TET3: variants seen among roughly 807,000 people sequenced by gnomAD.
TET3 encodes tet methylcytosine dioxygenase 3, also known as methylcytosine dioxygenase TET3.
TET3 carries 19 observed loss-of-function variants against 141.4 expected under a neutral mutation model. That is an observed-to-expected ratio of 0.13 (90% CI 0.09 to 0.20). TET3 has a LOEUF of 0.20. TET3 is among the 10% of genes least tolerant of loss of function. The probability of loss-of-function intolerance (pLI) is 1.00; values close to 1 mark genes in which losing one functional copy is unlikely to be tolerated. For synonymous variants in TET3, 1,043 were observed against 980.9 expected (o/e 1.06, Z -1.18); for missense variants, 1,874 against 2,356.9 (o/e 0.80, Z 4.24).
chr2:74,007,023 A>T (rs72905243), intron 3 of TET3, among the ~76,000 whole-genome samples: 34 of 152,260 alleles, frequency 2.2e-4, no homozygotes, highest in African/African-American at 8.2e-4. Flanking sequence ...TCCACCAAGT[A>T]TTTATCATGT....
At chr2:74,011,882 G>GA (rs1339933346) in intron 3 of TET3, among the ~76,000 whole-genome samples, 100 of 138,504 alleles carry the variant, frequency 7.2e-4, no homozygotes, top group Middle Eastern at 3.6e-3. Context: ...CTACCAAAAG[G>GA]AAAAAAAAAA....
intron 3 of TET3, among the ~76,000 whole-genome samples, chr2:74,024,035 G>A (rs1261767824): frequency 1.3e-5 from 2 of 151,798 alleles, no homozygotes; most frequent in Admixed American, 6.6e-5. Flanking sequence ...TTCTCATTTA[G>A]TAAAACTATT....
At chr2:74,085,368 C>A (rs1361389225) in intron 6 of TET3, among the ~76,000 whole-genome samples, 1 of 152,208 alleles carries the variant, frequency 6.6e-6, no homozygotes, top group Non-Finnish European at 1.5e-5. Flanking sequence ...ACTAGTCTTG[C>A]ATCCGGCCCA....
intron 5 of TET3, among the ~76,000 whole-genome samples, chr2:74,080,078 T>A (rs907021645): frequency 6.6e-5 from 10 of 152,220 alleles, no homozygotes; most frequent in Non-Finnish European, 1.5e-5. Context: ...TCAAAGAGAA[T>A]AATAAGGGTT....
At chr2:74,080,808 G>C (rs886703335) in intron 6 of TET3, among the ~76,000 whole-genome samples, 1 of 152,176 alleles carries the variant, frequency 6.6e-6, no homozygotes, top group African/African-American at 2.4e-5. Context: ...AGCCTCAGCT[G>C]TTTGTCCTCA....
intron 2 of TET3, among the ~76,000 whole-genome samples, chr2:73,989,648 A>G (rs1405532431): frequency 6.6e-6 from 1 of 151,906 alleles, no homozygotes; most frequent in Non-Finnish European, 1.5e-5. Flanking sequence ...GGCGGTGACT[A>G]CTTCTCTGGG....
intron 2 of TET3, among the ~76,000 whole-genome samples, chr2:73,995,261 GTTTGCA>G: frequency 1.3e-5 from 2 of 152,332 alleles, no homozygotes; most frequent in South Asian, 4.1e-4. Context: ...TGCCTGGCCT[GTTTGCA>G]TGTTTTTTAG....
At chr2:74,001,562 G>T (rs1558699537) in intron 2 of TET3, among the ~76,000 whole-genome samples, 1 of 152,198 alleles carries the variant, frequency 6.6e-6, no homozygotes, top group Non-Finnish European at 1.5e-5. Context: ...TGGAGTTTGT[G>T]GGTACCAAAG....
intron 5 of TET3, among the ~76,000 whole-genome samples, chr2:74,076,066 C>T (rs1264391500): frequency 1.3e-5 from 2 of 152,116 alleles, no homozygotes; most frequent in Non-Finnish European, 2.9e-5. Flanking sequence ...GATTTCCAGA[C>T]AGCTCTCTTA....
At chr2:74,092,028 G>C (rs556577461) in intron 8 of TET3, among the ~76,000 whole-genome samples, 3 of 152,352 alleles carry the variant, frequency 2.0e-5, no homozygotes, top group South Asian at 4.1e-4. Flanking sequence ...TTCAGGCCGG[G>C]CATTGTGGCT....
intron 2 of TET3, among the ~76,000 whole-genome samples, chr2:73,999,465 T>G (rs769794083): frequency 6.6e-6 from 1 of 152,188 alleles, no homozygotes; most frequent in Non-Finnish European, 1.5e-5. Flanking sequence ...CCCCCAAGAA[T>G]GTGTCTGGTT....
At chr2:74,086,490 T>C (rs1376887358) in intron 6 of TET3, among the ~76,000 whole-genome samples, 1 of 152,082 alleles carries the variant, frequency 6.6e-6, no homozygotes, top group Admixed American at 6.5e-5. Flanking sequence ...AAAATTGTGG[T>C]AACAGTGTAT....
At chr2:74,068,275 A>G (rs1379433391) in intron 4 of TET3, among the ~76,000 whole-genome samples, 3 of 142,054 alleles carry the variant, frequency 2.1e-5, no homozygotes, top group African/African-American at 9.4e-5. Context: ...TCGTAATGAC[A>G]TATGTATATA....
At chr2:74,135,327 C>T in the TET3 span, 1 of 422,388 alleles carries the variant, frequency 2.4e-6, no homozygotes, top group Non-Finnish European at 3.9e-6. Flanking sequence ...TGCATTCTCT[C>T]TCTGTAGCAG....
chr2:74,090,005 G>A lies in TET3; in HGVS notation c.2997G>A (p.Lys999=), dbSNP rs1359712019. The part of the protein sequence containing the change: ...YFNGCKYARS[K]TPRKFRLAGD... Reference sequence around the variant, plus strand: ...ACGGCTGCAAGTATGCTCGGAGCAAGACACCTCGCAAGTTCCGCCTCGCAG... The same window carrying A: ...ACGGCTGCAAGTATGCTCGGAGCAAAACACCTCGCAAGTTCCGCCTCGCAG... Residue 999 remains lysine, a synonymous_variant, in exon 8 of 12, where the codon AAG becomes AAA. Transcript: ENST00000409262. 4.3e-6 allele frequency: 7 copies of A among 1,614,054 alleles called. No individual in the cohort carries two copies. The highest frequency in any genetic ancestry group is 2.2e-5 in the East Asian group (1 of 44,888).
chr2:74,096,324 T>C (rs569759084), intron 10 of TET3, among the ~76,000 whole-genome samples: 8 of 152,322 alleles, frequency 5.3e-5, no homozygotes, highest in Admixed American at 6.5e-5. Flanking sequence ...GGGTAGGGCA[T>C]GACACCAAAC....
chr2:73,989,694 GT>G lies in TET3; in HGVS notation c.303+2989del, dbSNP rs199669913. Among the ~76,000 whole-genome samples the G allele has an allele frequency of 6.8e-3, 1,035 of 152,290 alleles. 20 individuals are homozygous for G. The highest frequency in any genetic ancestry group is 0.029 in the East Asian group (150 of 5,176). ...AGGTTGGGGCAGGTTGGTAGTAGCT[GT>G]GGTCTTCCTTCCTAGTTCCAGGAAG... On this transcript the variant is annotated intron_variant, in intron 2 of 11. Transcript: ENST00000409262.
intron 3 of TET3, among the ~76,000 whole-genome samples, chr2:74,032,626 G>GT (rs1189351732): frequency 1.3e-5 from 2 of 152,122 alleles, no homozygotes; most frequent in African/African-American, 4.8e-5. Context: ...GGCCTCAGAT[G>GT]TGGTTAGGCT....
At chr2:74,068,409 T>C (rs554464697) in intron 4 of TET3, among the ~76,000 whole-genome samples, 2 of 152,324 alleles carry the variant, frequency 1.3e-5, no homozygotes, top group South Asian at 4.1e-4. Flanking sequence ...GGAGGTCATT[T>C]TCTGTCAGTA....
Sources: gnomAD v4.1 joint callset for allele counts (sites outside exome capture counted in the v4.1 genomes callset) on GRCh38, gnomAD v4.1.1 for gene constraint, MANE v1.5 for transcripts, NCBI Gene and HGNC (gene_info 2026-07-23, HGNC 2026-07-21) for gene names.